ZMYND8: variants seen among roughly 807,000 people sequenced by gnomAD.
ZMYND8 encodes the protein zinc finger MYND-type containing 8.
In ZMYND8, 37 loss-of-function variants were observed where a neutral mutation model predicts 140.8. The observed-to-expected ratio is 0.26, with a 90% CI of 0.20 to 0.35. ZMYND8 has a LOEUF of 0.35. Ranked by LOEUF, ZMYND8 falls within the 10% of genes least tolerant of loss-of-function variation. The pLI, the probability that ZMYND8 is intolerant of heterozygous loss-of-function variation, is 1.00. For missense variants in ZMYND8, 1,068 were observed against 1,570.0 expected (o/e 0.68, Z 5.40); for synonymous variants, 592 against 597.1 (o/e 0.99, Z 0.12).
chr20:47,258,641 T>C (rs1168862825), intron 12 of ZMYND8, among the ~76,000 whole-genome samples: 2 of 152,240 alleles, frequency 1.3e-5, no homozygotes, highest in Non-Finnish European at 2.9e-5. Context: ...AAGGAAATCC[T>C]GTTTTGTTAG....
chr20:47,248,564 A>G (rs990188465), intron 13 of ZMYND8, among the ~76,000 whole-genome samples: 1 of 152,200 alleles, frequency 6.6e-6, no homozygotes, highest in Non-Finnish European at 1.5e-5. Context: ...CTTATTCAAC[A>G]AACATTCCAG....
Position 47,356,651 on chromosome 20 carries a change from G to A in ZMYND8, c.14+6C>T. 2.5e-6 allele frequency: 4 copies of A among 1,614,174 alleles called. No homozygotes were observed. Among genetic ancestry groups the A allele is most frequent in the Non-Finnish European group, 3.4e-6 (4 of 1,180,040 alleles). On this transcript the variant is annotated splice_donor_region_variant and intron_variant, in intron 1 of 22. Transcript: ENST00000471951. ...GGAAAAAAGATGGTTAAAAAGTCGA[G>A]CTTACCTCTGTGGATGCATTGTTAA...
intron 13 of ZMYND8, among the ~76,000 whole-genome samples, chr20:47,246,752 G>A (rs183009713): frequency 3.9e-5 from 6 of 152,284 alleles, no homozygotes; most frequent in Admixed American, 2.0e-4. Flanking sequence ...ACCTACCAAC[G>A]GAGATTTTAA....
chr20:47,256,478 G>A (rs1339919655), intron 12 of ZMYND8, among the ~76,000 whole-genome samples: 1 of 152,166 alleles, frequency 6.6e-6, no homozygotes, highest in East Asian at 1.9e-4. Context: ...AAATTAGCCA[G>A]GCATGGTGGC....
intron 10 of ZMYND8, among the ~76,000 whole-genome samples, chr20:47,279,854 G>A (rs2076495538): frequency 1.3e-5 from 2 of 151,958 alleles, no homozygotes; most frequent in Middle Eastern, 3.4e-3. Flanking sequence ...CAGGCACAGT[G>A]GCTTACGCCT....
chr20:47,320,654 G>C (rs2079865321), intron 2 of ZMYND8: 1 of 152,292 alleles, frequency 6.6e-6, no homozygotes, highest in Admixed American at 6.5e-5. Flanking sequence ...GACCCCAGGA[G>C]GCTGGAGTGC....
intron 18 of ZMYND8, 45 bp from the exon 19 acceptor site, chr20:47,224,601 C>T: frequency 6.2e-7 from 1 of 1,605,964 alleles, no homozygotes; most frequent in Admixed American, 1.7e-5. Flanking sequence ...TGACCCCAGC[C>T]TGGGGTGTGG....
intron 10 of ZMYND8, among the ~76,000 whole-genome samples, chr20:47,279,801 C>T (rs1165279461): frequency 6.6e-6 from 1 of 150,442 alleles, no homozygotes; most frequent in Non-Finnish European, 1.5e-5. Flanking sequence ...AAAATATTTC[C>T]TATATTTTTA....
chr20:47,350,336 A>G (rs998538408), intron 1 of ZMYND8, among the ~76,000 whole-genome samples: 140 of 151,154 alleles, frequency 9.3e-4, no homozygotes, highest in African/African-American at 3.2e-3. Flanking sequence ...GAGAAAAAAA[A>G]AAAAAAAAAA....
intron 3 of ZMYND8, among the ~76,000 whole-genome samples, chr20:47,303,274 T>C (rs1178695537): frequency 6.6e-6 from 1 of 152,162 alleles, no homozygotes; most frequent in African/African-American, 2.4e-5. Context: ...ACTATTTCCC[T>C]TCTTTTTCTT....
intron 16 of ZMYND8, among the ~76,000 whole-genome samples, chr20:47,232,897 G>GTTTTTTTTTTTT (rs144707608): frequency 3.6e-4 from 25 of 70,118 alleles, no homozygotes; most frequent in African/African-American, 1.0e-3. Context: ...GTTTTTTTTT[G>GTTTTTTTTTTTT]TTTTTTTTGT....
chr20:47,348,331 G>C (rs2082498686), intron 1 of ZMYND8: 1 of 230,886 alleles, frequency 4.3e-6, no homozygotes, highest in Non-Finnish European at 8.6e-6. Context: ...TCTGATCGCT[G>C]AATACTTTAG....
chr20:47,251,974 A>T (rs958590195), intron 12 of ZMYND8, among the ~76,000 whole-genome samples: 4 of 151,954 alleles, frequency 2.6e-5, no homozygotes, highest in Non-Finnish European at 4.4e-5. Context: ...TTAAATTAAA[A>T]GTTTATTTAA....
intron 12 of ZMYND8, among the ~76,000 whole-genome samples, chr20:47,257,412 C>G (rs1190064238): frequency 6.6e-6 from 1 of 151,992 alleles, no homozygotes; most frequent in East Asian, 1.9e-4. Flanking sequence ...ACCATATACT[C>G]ATATGCCATA....
rs2083252130 is a variant in ZMYND8 at position 47,356,501 on chromosome 20, G to A, written c.14+156C>T. The A allele has an allele frequency of 1.9e-6, 3 of 1,600,448 alleles. No homozygotes were observed. The African/African-American group carries it at 4.0e-5, about 21-fold the overall frequency. On this transcript the variant is annotated intron_variant, in intron 1 of 22. Transcript: ENST00000471951. ...ATGGCTACTGAGCCATGTGACCCAA[G>A]AAAGCAAAAAAATTCTCTCTAAACA...
At chr20:47,355,610 G>A in intron 1 of ZMYND8, 4 of 551,074 alleles carry the variant, frequency 7.3e-6, no homozygotes, top group Non-Finnish European at 9.2e-6. Context: ...AACTGAATAT[G>A]GAATGCTGTC....
At chr20:47,241,286 C>T (rs1045394719) in intron 14 of ZMYND8, among the ~76,000 whole-genome samples, 1 of 135,610 alleles carries the variant, frequency 7.4e-6, no homozygotes, top group Non-Finnish European at 1.5e-5. Flanking sequence ...CAGGGCGAGA[C>T]TCCGTCTCAA....
At chr20:47,272,354 G>A (rs549981958) in intron 11 of ZMYND8, among the ~76,000 whole-genome samples, 3 of 152,302 alleles carry the variant, frequency 2.0e-5, no homozygotes, top group African/African-American at 7.2e-5. Context: ...TGGGATTACA[G>A]ACGTGAACCA....
At chr20:47,233,854 T>C (rs910371328) in intron 16 of ZMYND8, among the ~76,000 whole-genome samples, 1 of 152,238 alleles carries the variant, frequency 6.6e-6, no homozygotes. Flanking sequence ...TGCAGACATA[T>C]TGCTACCTTA....
Sources: gnomAD v4.1 joint callset for allele counts (sites outside exome capture counted in the v4.1 genomes callset) on GRCh38, gnomAD v4.1.1 for gene constraint, MANE v1.5 for transcripts, NCBI Gene and HGNC (gene_info 2026-07-23, HGNC 2026-07-21) for gene names.